ABTB2: variants seen among roughly 807,000 people sequenced by gnomAD.
The protein encoded by ABTB2 is ankyrin repeat and BTB domain containing 2, also known as ankyrin repeat and BTB/POZ domain-containing protein 2.
ABTB2 carries 56 observed loss-of-function variants against 104.1 expected under a neutral mutation model. That is an observed-to-expected ratio of 0.54 (90% CI 0.43 to 0.67). ABTB2 has a LOEUF of 0.67. ABTB2 is among the 30% of genes least tolerant of loss of function. The pLI is 0.00. For synonymous variants in ABTB2, 606 were observed against 608.2 expected (o/e 1.00, Z 0.05); for missense variants, 1,279 against 1,407.7 (o/e 0.91, Z 1.46).
intron 1 of ABTB2, among the ~76,000 whole-genome samples, chr11:34,234,795 A>G (rs1337084019): frequency 2.0e-5 from 3 of 152,178 alleles, no homozygotes; most frequent in African/African-American, 4.8e-5. Flanking sequence ...GTTCTGCCAC[A>G]GAAGAGGGCC....
chr11:34,260,333 A>G (rs1168495600), intron 1 of ABTB2, among the ~76,000 whole-genome samples: 1 of 152,228 alleles, frequency 6.6e-6, no homozygotes, highest in Non-Finnish European at 1.5e-5. Context: ...TCTGAATTCA[A>G]TAACCCATCT....
At chr11:34,324,726 G>C (rs1385214370) in intron 1 of ABTB2, among the ~76,000 whole-genome samples, 1 of 152,184 alleles carries the variant, frequency 6.6e-6, no homozygotes, top group Non-Finnish European at 1.5e-5. Context: ...TTTGGGGACC[G>C]CTGGCTGTCC....
intron 3 of ABTB2, among the ~76,000 whole-genome samples, chr11:34,188,985 G>A (rs950141646): frequency 7.2e-5 from 11 of 152,186 alleles, no homozygotes; most frequent in African/African-American, 2.7e-4. Context: ...AGGAGGAAAC[G>A]GAGACTCTGA....
intron 1 of ABTB2, among the ~76,000 whole-genome samples, chr11:34,352,292 A>C (rs1855408207): frequency 6.6e-6 from 1 of 152,172 alleles, no homozygotes; most frequent in South Asian, 2.1e-4. Flanking sequence ...TTTTGGCCTA[A>C]AGGTCCTTAG....
chr11:34,179,080 CAAA>C (rs111676312), intron 3 of ABTB2, among the ~76,000 whole-genome samples: 3 of 98,674 alleles, frequency 3.0e-5, no homozygotes, highest in Admixed American at 1.2e-4. Context: ...AACTCCAACT[CAAA>C]AAAAAAAAAA....
intron 7 of ABTB2, among the ~76,000 whole-genome samples, chr11:34,166,566 G>C (rs893078993): frequency 1.3e-5 from 2 of 152,264 alleles, no homozygotes; most frequent in African/African-American, 4.8e-5. Flanking sequence ...GCCCTCAGAG[G>C]TCTTGCAACC....
chr11:34,341,652 G>T (rs986460087), intron 1 of ABTB2, among the ~76,000 whole-genome samples: 2 of 152,084 alleles, frequency 1.3e-5, no homozygotes, highest in African/African-American at 4.8e-5. Flanking sequence ...ATACACCTGT[G>T]GCAAGTGGCT....
chr11:34,159,432 TCAC>T, intron 13 of ABTB2, 46 bp from the exon 14 acceptor site: 1 of 1,319,490 alleles, frequency 7.6e-7, no homozygotes, highest in Non-Finnish European at 1.1e-6. Flanking sequence ...ACCTTTTACT[TCAC>T]CACTGTGTGG....
intron 1 of ABTB2, among the ~76,000 whole-genome samples, chr11:34,226,106 G>A (rs1419057097): frequency 6.6e-6 from 1 of 151,500 alleles, no homozygotes; most frequent in Non-Finnish European, 1.5e-5. Context: ...GGAGGCTGAG[G>A]TGGGAGGATC....
At chr11:34,172,820 C>A (rs1015744972) in intron 4 of ABTB2, among the ~76,000 whole-genome samples, 1 of 152,206 alleles carries the variant, frequency 6.6e-6, no homozygotes, top group Non-Finnish European at 1.5e-5. Context: ...ATTACAGGAA[C>A]AGAGGAAAGA....
intron 1 of ABTB2, among the ~76,000 whole-genome samples, chr11:34,294,933 C>T (rs986224574): frequency 5.3e-5 from 8 of 151,766 alleles, no homozygotes; most frequent in Admixed American, 4.6e-4. Flanking sequence ...CCAGGCTGGT[C>T]TCAAACTCCT....
chr11:34,277,799 CTTTTTTTT>C (rs1163442976), intron 1 of ABTB2, among the ~76,000 whole-genome samples: 2 of 120,724 alleles, frequency 1.7e-5, no homozygotes, highest in Admixed American at 8.4e-5. Flanking sequence ...AACAGATTCT[CTTTTTTTT>C]TTTTTTTTTT....
intron 1 of ABTB2, among the ~76,000 whole-genome samples, chr11:34,208,303 A>C (rs1040116314): frequency 6.6e-6 from 1 of 152,266 alleles, no homozygotes; most frequent in African/African-American, 2.4e-5. Context: ...ATCCTTAGAA[A>C]AAAATTCTTC....
chr11:34,233,633 A>C (rs577241558), intron 1 of ABTB2, among the ~76,000 whole-genome samples: 1 of 141,232 alleles, frequency 7.1e-6, no homozygotes, highest in East Asian at 2.1e-4. Context: ...TATAGGCATG[A>C]ACCACTGTAC....
chr11:34,244,449 G>A (rs1355046670), intron 1 of ABTB2, among the ~76,000 whole-genome samples: 1 of 152,144 alleles, frequency 6.6e-6, no homozygotes, highest in African/African-American at 2.4e-5. Flanking sequence ...AGGGCCCCTA[G>A]CACAAAATGC....
intron 3 of ABTB2, among the ~76,000 whole-genome samples, chr11:34,195,084 G>C (rs1426165787): frequency 1.1e-5 from 1 of 91,600 alleles, no homozygotes; most frequent in East Asian, 3.3e-4. Context: ...GCGGGGGGGG[G>C]GAGTGGGGGC....
chr11:34,163,090 G>A (rs1050439102), intron 9 of ABTB2, among the ~76,000 whole-genome samples: 1 of 152,194 alleles, frequency 6.6e-6, no homozygotes, highest in African/African-American at 2.4e-5. Context: ...CATCCTGGCT[G>A]TGTGACCTTA....
chr11:34,222,009 C>T (rs1329628293), intron 1 of ABTB2, among the ~76,000 whole-genome samples: 2 of 152,164 alleles, frequency 1.3e-5, no homozygotes, highest in African/African-American at 4.8e-5. Context: ...CGCACCATTG[C>T]ATTTCCAGCC....
At chr11:34,155,144 T>C (rs1852604920) in intron 14 of ABTB2, among the ~76,000 whole-genome samples, 1 of 152,222 alleles carries the variant, frequency 6.6e-6, no homozygotes, top group Non-Finnish European at 1.5e-5. Flanking sequence ...GCAGCAGGGC[T>C]CTCGCATCAT....
Sources: gnomAD v4.1 joint callset for allele counts (sites outside exome capture counted in the v4.1 genomes callset) on GRCh38, gnomAD v4.1.1 for gene constraint, MANE v1.5 for transcripts, NCBI Gene and HGNC (gene_info 2026-07-23, HGNC 2026-07-21) for gene names.